Variants in SNF8 observed in about 807,000 individuals in gnomAD.
The protein encoded by SNF8 is SNF8 subunit of ESCRT-II.
SNF8 carries 19 observed loss-of-function variants against 36.8 expected under a neutral mutation model. That is an observed-to-expected ratio of 0.52 (90% CI 0.36 to 0.76). The LOEUF is 0.76. Ranked by LOEUF, SNF8 falls within the 30% of genes least tolerant of loss-of-function variation. The pLI is 0.00. For missense variants in SNF8, 268 were observed against 322.9 expected (o/e 0.83, Z 1.30); for synonymous variants, 127 against 127.4 (o/e 1.00, Z 0.02).
intron 2 of SNF8, among the ~76,000 whole-genome samples, chr17:48,941,689 T>TG (rs2041028438): frequency 6.7e-6 from 1 of 149,992 alleles, no homozygotes. Flanking sequence ...CAATCAATAT[T>TG]TTTTTTTTTT....
chr17:48,933,461 C>T, intron 5 of SNF8, 115 bp from the exon 6 acceptor site: 3 of 1,191,402 alleles, frequency 2.5e-6, no homozygotes, highest in Non-Finnish European at 2.4e-6. Context: ...GCACAACTGC[C>T]AGGCGCAATG....
chr17:48,937,803 G>A (rs1598089317), intron 3 of SNF8, among the ~76,000 whole-genome samples: 1 of 152,076 alleles, frequency 6.6e-6, no homozygotes, highest in African/African-American at 2.4e-5. Context: ...GCGCGTGCCT[G>A]TAATCTCAGC....
At chr17:48,936,838 C>T in intron 4 of SNF8, 182 bp downstream of exon 4, 1 of 631,782 alleles carries the variant, frequency 1.6e-6, no homozygotes, top group South Asian at 1.9e-5. Context: ...GACAATCGTT[C>T]AGGTAATTCT....
chr17:48,933,077 G>T, intron 6 of SNF8, 128 bp downstream of exon 6: 1 of 957,412 alleles, frequency 1.0e-6, no homozygotes, highest in Non-Finnish European at 1.6e-6. Context: ...GCACAGGCCT[G>T]AGTAGTTCAT....
In SNF8 at chr17:48,930,322, G is replaced by T; in HGVS notation, c.*153C>A. 1 of 783,808 alleles carries T rather than the reference G, an allele frequency of 1.3e-6. No homozygotes were observed. Among genetic ancestry groups the T allele is most frequent in the Non-Finnish European group, 1.9e-6 (1 of 530,698 alleles). 48.6% of individuals were successfully genotyped at this position (783,808 alleles called of 1,614,324 possible). ...AGCGAGGTTTTCCTCCAATAAAAAT[G>T]CAACGTGAAGGCACTTTTCAAAAAT... On this transcript the variant is annotated 3_prime_UTR_variant, in exon 8 of 8. Transcript: ENST00000502492.
Position 48,944,713 on chromosome 17 carries a change from C to T in SNF8, c.22G>A (p.Ala8Thr). ...AGTTTCTTCTTGGCGATGGCGCCAG[C>T]TCCCACCCCGCGGCGGTGCATCCCC... Reference protein sequence around the residue: MHRRGVGAGAIAKKKLAE... With the variant: MHRRGVGTGAIAKKKLAE... Residue 8 changes from alanine (A) to threonine (T), a missense_variant, in exon 1 of 8, where the codon GCT (alanine) becomes ACT (threonine). Coordinates refer to ENST00000502492, the MANE Select transcript of SNF8 (RefSeq NM_007241.4). 2.5e-6 allele frequency: 4 copies of T among 1,611,580 alleles called. No individual in the cohort carries two copies. Among genetic ancestry groups the T allele is most frequent in the Non-Finnish European group, 3.4e-6 (4 of 1,179,152 alleles).
chr17:48,933,918 G>A (rs2040897402), intron 5 of SNF8, among the ~76,000 whole-genome samples: 1 of 152,214 alleles, frequency 6.6e-6, no homozygotes, highest in South Asian at 2.1e-4. Context: ...CAGGAAATGT[G>A]AATGAGTGAG....
At chr17:48,934,531 GA>G in intron 5 of SNF8, 1 of 186,030 alleles carries the variant, frequency 5.4e-6, no homozygotes. Context: ...TTGAACCCAG[GA>G]GGCGGAGGTT....
intron 3 of SNF8, 46 bp from the exon 4 acceptor site, chr17:48,937,170 C>T (rs1235691694): frequency 7.2e-7 from 1 of 1,387,820 alleles, no homozygotes; most frequent in Non-Finnish European, 1.0e-6. Context: ...TAATTTACAT[C>T]CCTTCTTTTC....
intron 3 of SNF8, 106 bp downstream of exon 3, chr17:48,940,818 G>T: frequency 7.6e-7 from 1 of 1,309,146 alleles, no homozygotes; most frequent in Non-Finnish European, 1.1e-6. Flanking sequence ...GGGTCTTCCT[G>T]CAGGCCTTTC....
At chr17:48,940,783 C>A (rs991258165) in intron 3 of SNF8, 141 bp downstream of exon 3, 18 of 997,234 alleles carry the variant, frequency 1.8e-5, no homozygotes, top group Admixed American at 4.6e-5. Context: ...GAGCAAAACT[C>A]CGTCTCAAAA....
intron 3 of SNF8, among the ~76,000 whole-genome samples, chr17:48,940,454 A>G (rs1320419833): frequency 1.3e-5 from 2 of 152,112 alleles, no homozygotes; most frequent in African/African-American, 2.4e-5. Context: ...TCTATCTTCC[A>G]TATCAGACTG....
intron 1 of SNF8, 163 bp from the exon 2 acceptor site, chr17:48,944,138 T>TA (rs1239983811): frequency 8.5e-6 from 5 of 588,030 alleles, no homozygotes; most frequent in Admixed American, 2.9e-5. Context: ...CCGTCTCTAC[T>TA]AAAAATACAA....
intron 2 of SNF8, among the ~76,000 whole-genome samples, chr17:48,943,429 A>T (rs2041060351): frequency 6.6e-6 from 1 of 152,098 alleles, no homozygotes; most frequent in South Asian, 2.1e-4. Context: ...ACCAACATGG[A>T]GAAACCCGTC....
intron 2 of SNF8, 38 bp from the exon 3 acceptor site, chr17:48,941,100 C>G (rs2041016779): frequency 6.2e-7 from 1 of 1,602,892 alleles, no homozygotes; most frequent in Non-Finnish European, 8.5e-7. Context: ...GGCAGCCCAG[C>G]CAAATGATAA....
At position 48,931,685 on chromosome 17, in the gene SNF8, T is replaced by C; in HGVS notation, c.597A>G (p.Lys199=). 1.2e-6 allele frequency: 2 copies of C among 1,613,492 alleles called. No individual in the cohort carries two copies. The highest frequency in any genetic ancestry group is 1.7e-6 in the Non-Finnish European group (2 of 1,179,732). Reference sequence around the variant, plus strand: ...GCTCGGTCTCCCATTTAAGACTGGCTTTGATCTCACTGACAGTCACGTAGC... The same window carrying C: ...GCTCGGTCTCCCATTTAAGACTGGCCTTGATCTCACTGACAGTCACGTAGC... ...KNGYVTVSEI[K]ASLKWETERA... Residue 199 remains lysine, a synonymous_variant, in exon 7 of 8, where the codon AAA becomes AAG. Coordinates refer to ENST00000502492, the MANE Select transcript of SNF8 (RefSeq NM_007241.4).
chr17:48,929,588 T>C lies in SNF8; in HGVS notation c.*887A>G, dbSNP rs17635252. 62,527 of 151,980 alleles carry C rather than the reference T, an allele frequency of 0.41. 15,398 individuals carry two copies. Among genetic ancestry groups the C allele is most frequent in the East Asian group, 0.71 (3,647 of 5,142 alleles). 9.4% of individuals were successfully genotyped at this position (151,980 alleles called of 1,614,324 possible). On this transcript the variant is annotated 3_prime_UTR_variant, in exon 8 of 8. Transcript: ENST00000502492. ...AGGCTTTTACTCTTGGCTGACCACG[T>C]GTGTAGAAAAATGTCTACACACAGT...
At chr17:48,939,267 G>GA (rs57826158) in intron 3 of SNF8, among the ~76,000 whole-genome samples, 14,864 of 91,378 alleles carry the variant, frequency 0.16, 1,878 homozygotes, top group African/African-American at 0.38. Context: ...TCTGTCTCAA[G>GA]AAAAAAAAAA....
chr17:48,939,778 A>G (rs1251059818), intron 3 of SNF8, among the ~76,000 whole-genome samples: 2 of 151,802 alleles, frequency 1.3e-5, no homozygotes, highest in Admixed American at 1.3e-4. Context: ...TTTAAAGTTT[A>G]TAAGTATGAG....
Sources: gnomAD v4.1 joint callset for allele counts (sites outside exome capture counted in the v4.1 genomes callset) on GRCh38, gnomAD v4.1.1 for gene constraint, MANE v1.5 for transcripts, NCBI Gene and HGNC (gene_info 2026-07-23, HGNC 2026-07-21) for gene names.